Variants in PPP2R2B observed in about 807,000 individuals in gnomAD.
The protein encoded by PPP2R2B is serine/threonine-protein phosphatase 2A 55 kDa regulatory subunit B beta isoform.
In PPP2R2B, 5 loss-of-function variants were observed where a neutral mutation model predicts 46.0. The observed-to-expected ratio is 0.11, with a 90% confidence interval of 0.06 to 0.23. PPP2R2B has a LOEUF of 0.23. PPP2R2B is among the 10% of genes least tolerant of loss of function. The pLI is 1.00. For synonymous variants in PPP2R2B, 215 were observed against 206.7 expected, an observed-to-expected ratio of 1.04 and a Z score of -0.34; for missense variants, 367 against 575.0, an observed-to-expected ratio of 0.64 and a Z score of 3.70.
intron 2 of PPP2R2B, among the ~76,000 whole-genome samples, chr5:146,765,993 G>A (rs1461433443): frequency 3.9e-5 from 6 of 152,118 alleles, no homozygotes. Context: ...TTATCATCTG[G>A]TGATTAAAGA....
intron 1 of PPP2R2B, among the ~76,000 whole-genome samples, chr5:147,007,027 C>T (rs1453299219): frequency 6.6e-6 from 1 of 152,126 alleles, no homozygotes; most frequent in South Asian, 2.1e-4. Context: ...TATTTTTAAC[C>T]TCCTTGTCAA....
At chr5:146,809,544 G>C (rs565709114) in intron 2 of PPP2R2B, among the ~76,000 whole-genome samples, 1 of 152,118 alleles carries the variant, frequency 6.6e-6, no homozygotes, top group Non-Finnish European at 1.5e-5. Context: ...TTTAGAGGGA[G>C]TGGTCAGAGA....
At chr5:146,659,461 T>G (rs1243652422) in intron 5 of PPP2R2B, among the ~76,000 whole-genome samples, 1 of 152,196 alleles carries the variant, frequency 6.6e-6, no homozygotes, top group Admixed American at 6.5e-5. Context: ...CCATGTGGCC[T>G]TGGGTTTGCT....
At chr5:146,622,791 G>A (rs1773795302) in intron 7 of PPP2R2B, among the ~76,000 whole-genome samples, 1 of 152,134 alleles carries the variant, frequency 6.6e-6, no homozygotes. Flanking sequence ...AAAGTCATGG[G>A]GCAGAGCACC....
intron 4 of PPP2R2B, among the ~76,000 whole-genome samples, chr5:146,693,007 G>A (rs377028884): frequency 9.9e-5 from 15 of 152,258 alleles, no homozygotes; most frequent in African/African-American, 3.6e-4. Context: ...TCTTGCACAA[G>A]GTAGGGTTTG....
chr5:146,832,377 A>ATATTTTTTTTTT (rs1443028400), intron 2 of PPP2R2B, among the ~76,000 whole-genome samples: 1 of 104,298 alleles, frequency 9.6e-6, no homozygotes, highest in Non-Finnish European at 2.0e-5. Context: ...GCCATTTTTA[A>ATATTTTTTTTTT]TCTTTTTTTT....
At chr5:146,919,701 A>T (rs900586578) in intron 1 of PPP2R2B, 2 of 152,212 alleles carry the variant, frequency 1.3e-5, no homozygotes, top group African/African-American at 2.4e-5. Flanking sequence ...AACTGGACAC[A>T]GTTGGCAAAG....
intron 2 of PPP2R2B, among the ~76,000 whole-genome samples, chr5:146,758,244 G>T (rs529248112): frequency 6.6e-6 from 1 of 152,064 alleles, no homozygotes; most frequent in Non-Finnish European, 1.5e-5. Flanking sequence ...TGCCCCAAAG[G>T]CTCAATCTGT....
rs140113014 is a variant in PPP2R2B, at chr5:146,830,617, C to T, written c.70+47385G>A. Reference sequence around the variant, plus strand: ...TTGGCTCACTGCAATCCCCGACTCCCGGGTTCAAACATTCTTGGCTAATTT... The same window carrying T: ...TTGGCTCACTGCAATCCCCGACTCCTGGGTTCAAACATTCTTGGCTAATTT... On this transcript the variant is annotated intron_variant, in intron 2 of 9. Coordinates refer to ENST00000394411, the MANE Select transcript of PPP2R2B (RefSeq NM_181675.4). 1.9e-3 allele frequency among the ~76,000 whole-genome samples: 287 copies of T among 151,978 alleles called. 1 individual carries two copies. The highest frequency in any genetic ancestry group is 0.016 in the East Asian group (85 of 5,160).
chr5:146,767,925 G>A (rs543644661), intron 2 of PPP2R2B, among the ~76,000 whole-genome samples: 7 of 152,154 alleles, frequency 4.6e-5, no homozygotes, highest in African/African-American at 1.7e-4. Context: ...GGCAACTGCT[G>A]ATCTTTTGAC....
At chr5:146,911,139 A>C (rs1253596597) in intron 1 of PPP2R2B, among the ~76,000 whole-genome samples, 1 of 150,366 alleles carries the variant, frequency 6.7e-6, no homozygotes, top group East Asian at 2.0e-4. Context: ...GTTGGAGTGC[A>C]GTAGTGTGAT....
intron 2 of PPP2R2B, among the ~76,000 whole-genome samples, chr5:146,767,297 A>G (rs1754546451): frequency 6.6e-6 from 1 of 152,112 alleles, no homozygotes; most frequent in Non-Finnish European, 1.5e-5. Context: ...TCAGTCATTT[A>G]GTCTGTAAGC....
At chr5:146,632,061 G>GCCCCCCCCCCCC (rs58956274) in intron 7 of PPP2R2B, among the ~76,000 whole-genome samples, 2 of 103,998 alleles carry the variant, frequency 1.9e-5, no homozygotes, top group Non-Finnish European at 4.1e-5. Flanking sequence ...GCTGAGTTGT[G>GCCCCCCCCCCCC]CCCCCCCCCC....
At chr5:147,046,782 G>A (rs974702639) in intron 1 of PPP2R2B, among the ~76,000 whole-genome samples, 3 of 151,906 alleles carry the variant, frequency 2.0e-5, no homozygotes, top group African/African-American at 7.3e-5. Context: ...TGCAGACTTA[G>A]GATAATCATC....
intron 2 of PPP2R2B, among the ~76,000 whole-genome samples, chr5:146,716,308 C>T (rs1780494250): frequency 6.6e-6 from 1 of 152,248 alleles, no homozygotes; most frequent in South Asian, 2.1e-4. Flanking sequence ...ACATGAGATC[C>T]ATGACATTGT....
At chr5:146,849,786 A>T (rs1442111653) in intron 2 of PPP2R2B, among the ~76,000 whole-genome samples, 1 of 152,202 alleles carries the variant, frequency 6.6e-6, no homozygotes, top group African/African-American at 2.4e-5. Flanking sequence ...ACAGCAATTT[A>T]CATTTATTAA....
In PPP2R2B at chr5:146,585,259, T is replaced by TATACAC. The variant is rs1554109061; in HGVS notation, c.*4687_*4688insGTGTAT. The TATACAC allele has an allele frequency of 7.7e-6, 1 of 129,902 alleles. No homozygotes were observed. The highest frequency in any genetic ancestry group is 3.1e-5 in the African/African-American group (1 of 32,302). The allele number at this position is 129,902 out of a possible 1,614,324, so 8.0% of individuals were successfully genotyped here. A position where few individuals can be genotyped will look rare whatever the true frequency, so the allele number is the denominator to read the frequency against. ...GATCAGTAACTTCCATCTACATGCA[T>TATACAC]ACACACACACACACACACACACACA... On this transcript the variant is annotated 3_prime_UTR_variant, in exon 10 of 10. Coordinates refer to ENST00000394411, the MANE Select transcript of PPP2R2B (RefSeq NM_181675.4).
chr5:146,772,618 C>T (rs557806758), intron 2 of PPP2R2B, among the ~76,000 whole-genome samples: 3 of 151,988 alleles, frequency 2.0e-5, no homozygotes, highest in South Asian at 4.2e-4. Context: ...ATGCATTCCA[C>T]TAATGCAACC....
chr5:146,815,382 A>C (rs1160514915), intron 2 of PPP2R2B, among the ~76,000 whole-genome samples: 1 of 152,240 alleles, frequency 6.6e-6, no homozygotes, highest in Non-Finnish European at 1.5e-5. Context: ...GAGAGCAGAG[A>C]GGCCATCTGT....
Sources: gnomAD v4.1 joint callset for allele counts (sites outside exome capture counted in the v4.1 genomes callset) on GRCh38, gnomAD v4.1.1 for gene constraint, MANE v1.5 for transcripts, NCBI Gene and HGNC (gene_info 2026-07-23, HGNC 2026-07-21) for gene names.